UFM1: variants seen among roughly 807,000 people sequenced by gnomAD.
UFM1 encodes ubiquitin-fold modifier 1.
A neutral mutation model predicts 15.4 loss-of-function variants in UFM1; 9 were observed. That is an observed-to-expected ratio of 0.59 (90% CI 0.35 to 1.02). The LOEUF (loss-of-function observed/expected upper bound fraction) is 1.02, where lower values mean the gene tolerates loss of function less well. UFM1 is among the 50% of genes least tolerant of loss of function. The pLI, the probability that UFM1 is intolerant of heterozygous loss-of-function variation, is 0.02. For synonymous variants in UFM1, 27 were observed against 36.3 expected, an observed-to-expected ratio of 0.74 and a Z score of 0.92; for missense variants, 98 against 104.7, an observed-to-expected ratio of 0.94 and a Z score of 0.28.
intron 5 of UFM1, 135 bp downstream of exon 5, chr13:38,359,468 C>T: frequency 1.2e-6 from 1 of 864,256 alleles, no homozygotes; most frequent in Non-Finnish European, 1.8e-6. Context: ...ATATACCAGT[C>T]TTTACCTGTG....
chr13:38,363,242 C>T lies in UFM1; in HGVS notation c.*2464C>T, dbSNP rs113249867. On this transcript the variant is annotated 3_prime_UTR_variant, in exon 6 of 6. Coordinates refer to ENST00000239878, the MANE Select transcript of UFM1 (RefSeq NM_016617.4). ...TGTGCTTTATCTATGTTTGGATACA[C>T]AAGTACTTACCATCATTTTACAGTT... 3 of 152,254 alleles carry T rather than the reference C, an allele frequency of 2.0e-5. 1 individual carries two copies. Among genetic ancestry groups the T allele is most frequent in the African/African-American group, 7.2e-5 (3 of 41,546 alleles). The allele number at this position is 152,254 out of a possible 1,614,324, so 9.4% of individuals were successfully genotyped here. A position where few individuals can be genotyped will look rare whatever the true frequency, so the allele number is the denominator to read the frequency against.
At chr13:38,355,141 A>T (rs1879039627) in intron 3 of UFM1, among the ~76,000 whole-genome samples, 1 of 152,044 alleles carries the variant, frequency 6.6e-6, no homozygotes, top group Admixed American at 6.6e-5. Flanking sequence ...ACAGAAAAAT[A>T]ATTTTCTTAA....
At chr13:38,350,256 T>G in intron 2 of UFM1, 2 of 1,580,600 alleles carry the variant, frequency 1.3e-6, no homozygotes, top group Non-Finnish European at 1.7e-6. Context: ...AGTGTCAGCT[T>G]GGCAGCTTGG....
intron 2 of UFM1, among the ~76,000 whole-genome samples, chr13:38,351,145 C>G (rs1342536056): frequency 1.3e-5 from 2 of 152,178 alleles, no homozygotes; most frequent in Non-Finnish European, 2.9e-5. Flanking sequence ...GTCCATTGGT[C>G]CACCTTTAAA....
Position 38,361,644 on chromosome 13 carries a change from G to A in UFM1, c.*866G>A, listed in dbSNP as rs1270450230. On this transcript the variant is annotated 3_prime_UTR_variant, in exon 6 of 6. Coordinates refer to ENST00000239878, the MANE Select transcript of UFM1 (RefSeq NM_016617.4). ...GCTCAAGGAAATACAGATCGGAAGT[G>A]CTGATGAGTTATATTTATTGAAAAC... 6.6e-6 allele frequency: 1 copy of A among 152,196 alleles called. No homozygotes were observed. Among genetic ancestry groups the A allele is most frequent in the African/African-American group, 2.4e-5 (1 of 41,454 alleles). 9.4% of individuals were successfully genotyped at this position (152,196 alleles called of 1,614,324 possible). A position where few individuals can be genotyped will look rare whatever the true frequency, so the allele number is the denominator to read the frequency against.
intron 3 of UFM1, among the ~76,000 whole-genome samples, chr13:38,357,025 C>G (rs974733866): frequency 6.6e-6 from 1 of 151,920 alleles, no homozygotes; most frequent in Non-Finnish European, 1.5e-5. Context: ...AAAAACACAT[C>G]TTTTTAAACA....
rs1879475147 is a variant in UFM1, at chr13:38,362,711, T to TA, written c.*1935dup. On this transcript the variant is annotated 3_prime_UTR_variant, in exon 6 of 6. Transcript: ENST00000239878. ...ACACCCATTTCCTGACTTTTTGCTT[T>TA]AATTTAGATTTTTCTCCATCCTGTT... 1 of 152,206 alleles carries TA rather than the reference T, an allele frequency of 6.6e-6. No individual in the cohort carries two copies. Among genetic ancestry groups the TA allele is most frequent in the South Asian group, 2.1e-4 (1 of 4,836 alleles). The allele number at this position is 152,206 out of a possible 1,614,324, so 9.4% of individuals were successfully genotyped here. A position where few individuals can be genotyped will look rare whatever the true frequency, so the allele number is the denominator to read the frequency against.
At chr13:38,356,955 T>TAA (rs1297975854) in intron 3 of UFM1, among the ~76,000 whole-genome samples, 1 of 151,928 alleles carries the variant, frequency 6.6e-6, no homozygotes, top group Admixed American at 6.6e-5. Context: ...CTGGTCTCTT[T>TAA]AAGAGATGGA....
At chr13:38,355,283 TCAG>T in intron 3 of UFM1, among the ~76,000 whole-genome samples, 1 of 152,144 alleles carries the variant, frequency 6.6e-6, no homozygotes, top group East Asian at 1.9e-4. Context: ...TGTCACTCAT[TCAG>T]AATTAAACTG....
At position 38,352,765 on chromosome 13, in the gene UFM1, T is replaced by G. The variant is rs1878919638; in HGVS notation, c.60-1474T>G. Among the ~76,000 whole-genome samples, 3 of 152,198 alleles carry G rather than the reference T, an allele frequency of 2.0e-5. No homozygotes were observed. The South Asian group carries it at 6.2e-4, about 32-fold the overall frequency. On this transcript the variant is annotated intron_variant, in intron 2 of 5. Coordinates refer to ENST00000239878, the MANE Select transcript of UFM1 (RefSeq NM_016617.4). ...TCTGTGGACACTCACCAACTTAATA[T>G]ACAGATAGAAACTTATTTTAATGAG...
intron 4 of UFM1, 88 bp from the exon 5 acceptor site, chr13:38,359,213 C>A: frequency 4.2e-6 from 5 of 1,180,046 alleles, no homozygotes; most frequent in South Asian, 4.1e-5. Context: ...TACACAACAG[C>A]ACTATTTTGG....
At chr13:38,350,243 C>G in intron 2 of UFM1, 188 bp downstream of exon 2, 1 of 1,598,902 alleles carries the variant, frequency 6.3e-7, no homozygotes, top group Non-Finnish European at 8.5e-7. Context: ...TACTTGCTCG[C>G]TAAGTGTCAG....
chr13:38,358,683 T>C (rs1879235731), intron 4 of UFM1, among the ~76,000 whole-genome samples: 1 of 152,034 alleles, frequency 6.6e-6, no homozygotes, highest in Admixed American at 6.6e-5. Flanking sequence ...GTTTCAAGTA[T>C]ACAATGCAGT....
rs1478878048 is a variant in UFM1 at position 38,363,331 on chromosome 13, C to A, written c.*2553C>A. 1 of 152,092 alleles carries A rather than the reference C, an allele frequency of 6.6e-6. No individual in the cohort carries two copies. The highest frequency in any genetic ancestry group is 1.5e-5 in the Non-Finnish European group (1 of 68,022). 9.4% of individuals were successfully genotyped at this position (152,092 alleles called of 1,614,324 possible). ...TGTAGCCTAGGAGCAATAGGCCATACCAAATAGCCTAAGTTTGTAGTAGGT... is the reference window on the plus strand; with the variant it reads ...TGTAGCCTAGGAGCAATAGGCCATAACAAATAGCCTAAGTTTGTAGTAGGT... On this transcript the variant is annotated 3_prime_UTR_variant, in exon 6 of 6. Transcript: ENST00000239878.
chr13:38,353,487 AT>A (rs1230550086), intron 2 of UFM1, among the ~76,000 whole-genome samples: 1 of 151,550 alleles, frequency 6.6e-6, no homozygotes, highest in Non-Finnish European at 1.5e-5. Context: ...TTCTGTTTTG[AT>A]TTTTTTTATT....
At chr13:38,350,269 C>G in intron 2 of UFM1, 6 of 1,559,466 alleles carry the variant, frequency 3.8e-6, no homozygotes, top group Non-Finnish European at 5.2e-6. Flanking sequence ...CAGCTTGGCC[C>G]CGTCACGAGG....
chr13:38,355,689 G>T (rs1366659894), intron 3 of UFM1, among the ~76,000 whole-genome samples: 1 of 151,702 alleles, frequency 6.6e-6, no homozygotes, highest in Non-Finnish European at 1.5e-5. Flanking sequence ...CTACAGAAAA[G>T]AAAATATTAA....
rs1415859296 is a variant in UFM1, at chr13:38,361,621, T to C, written c.*843T>C. ...ACAGATCTGAAGATCAAAAAAAAGC[T>C]CAAGGAAATACAGATCGGAAGTGCT... On this transcript the variant is annotated 3_prime_UTR_variant, in exon 6 of 6. Transcript: ENST00000239878. 2.0e-5 allele frequency: 3 copies of C among 152,152 alleles called. No individual in the cohort carries two copies. The highest frequency in any genetic ancestry group is 4.4e-5 in the Non-Finnish European group (3 of 68,022). 9.4% of individuals were successfully genotyped at this position (152,152 alleles called of 1,614,324 possible).
chr13:38,355,445 C>T (rs995817942), intron 3 of UFM1, among the ~76,000 whole-genome samples: 1 of 151,958 alleles, frequency 6.6e-6, no homozygotes, highest in Non-Finnish European at 1.5e-5. Context: ...TGGGGCATAA[C>T]AGAATCCACA....
Sources: allele counts gnomAD v4.1 joint callset (sites outside exome capture counted in the v4.1 genomes callset), GRCh38; gene constraint gnomAD v4.1.1; transcripts MANE v1.5; gene names NCBI Gene and HGNC (gene_info 2026-07-23, HGNC 2026-07-21).